Variants in SEPTIN9 observed in about 807,000 individuals in gnomAD.
SEPTIN9 encodes septin-9.
In SEPTIN9, 13 loss-of-function variants were observed where a neutral mutation model predicts 56.6. The observed-to-expected ratio is 0.23, with a 90% confidence interval of 0.15 to 0.37. The LOEUF (loss-of-function observed/expected upper bound fraction) is 0.37, where lower values mean the gene tolerates loss of function less well. Among genes scored for constraint, SEPTIN9 ranks in the 10% least tolerant of loss-of-function variants. The probability of loss-of-function intolerance (pLI) is 1.00; values close to 1 mark genes in which losing one functional copy is unlikely to be tolerated. For synonymous variants in SEPTIN9, 332 were observed against 334.1 expected, an observed-to-expected ratio of 0.99 and a Z score of 0.07; for missense variants, 650 against 823.1, an observed-to-expected ratio of 0.79 and a Z score of 2.57.
chr17:77,471,486 C>CT (rs1199775037), intron 3 of SEPTIN9, among the ~76,000 whole-genome samples: 3 of 152,272 alleles, frequency 2.0e-5, no homozygotes, highest in African/African-American at 7.2e-5. Context: ...CAGATGATTT[C>CT]ATAAGTTGGG....
At chr17:77,471,902 G>C (rs1400683423) in intron 3 of SEPTIN9, among the ~76,000 whole-genome samples, 1 of 152,140 alleles carries the variant, frequency 6.6e-6, no homozygotes, top group African/African-American at 2.4e-5. Flanking sequence ...TCCCTCTGCA[G>C]TGGATCCACT....
intron 2 of SEPTIN9, among the ~76,000 whole-genome samples, chr17:77,364,607 G>C (rs1417734012): frequency 6.6e-6 from 1 of 152,202 alleles, no homozygotes; most frequent in East Asian, 1.9e-4. Context: ...AGGGGGGCAG[G>C]AAGAGACCAG....
Position 77,421,247 on chromosome 17 carries a change from C to T in SEPTIN9, c.721+18544C>T, listed in dbSNP as rs1442599526. Among the ~76,000 whole-genome samples the T allele has an allele frequency of 6.6e-6, 1 of 152,216 alleles. No homozygotes were observed. The highest frequency in any genetic ancestry group is 2.4e-5 in the African/African-American group (1 of 41,454). ...CCCAGTTAGAAGGTGTCCCCCTCTT[C>T]CTTCAGTCCCTCAGCTGCCCTGGAT... On this transcript the variant is annotated intron_variant, in intron 3 of 11. Transcript: ENST00000427177. This position sits in a 1 kb window ranked among gnomAD's most constrained non-coding sequence, Gnocchi z 4.6.
intron 3 of SEPTIN9, among the ~76,000 whole-genome samples, chr17:77,460,664 AT>A (rs1382104135): frequency 6.6e-6 from 1 of 152,062 alleles, no homozygotes; most frequent in East Asian, 1.9e-4. Context: ...TCCTGTGGTC[AT>A]TTCCTCTTGG....
In SEPTIN9 at chr17:77,482,334, C is replaced by T. The variant is rs187657144; in HGVS notation, c.912C>T (p.Val304=). 303 of 1,611,680 alleles carry T rather than the reference C, an allele frequency of 1.9e-4. 1 individual carries two copies. The highest frequency in any genetic ancestry group is 4.5e-5 in the Non-Finnish European group (53 of 1,179,800). Residue 304 remains valine (V), a splice_region_variant and synonymous_variant, in exon 4 of 12, where the codon GTC becomes GTT. Transcript: ENST00000427177. The part of the protein sequence containing the change: ...KQGFEFNIMV[V]GQSGLGKSTL... ...GCTTCGAGTTCAACATCATGGTGGT[C>T]GGTGAGTCCTCACCTTGCATGCCAC...
intron 3 of SEPTIN9, among the ~76,000 whole-genome samples, chr17:77,430,279 T>C (rs2037077661): frequency 6.6e-6 from 1 of 152,168 alleles, no homozygotes; most frequent in African/African-American, 2.4e-5. Context: ...TGAAAGTCCT[T>C]GGAGAGGACT....
chr17:77,291,373 C>CAT (rs2031545271), intron 1 of SEPTIN9, among the ~76,000 whole-genome samples: 1 of 149,984 alleles, frequency 6.7e-6, no homozygotes, highest in Non-Finnish European at 1.5e-5. Flanking sequence ...AGCAGCCGGG[C>CAT]GCGGTGGCTC....
At chr17:77,410,379 G>A (rs2036249169) in intron 3 of SEPTIN9, among the ~76,000 whole-genome samples, 1 of 152,184 alleles carries the variant, frequency 6.6e-6, no homozygotes, top group South Asian at 2.1e-4. Flanking sequence ...GCACACCTGG[G>A]TCAAGCTCGA....
chr17:77,482,440 G>T (rs1465866203), intron 4 of SEPTIN9, 105 bp downstream of exon 4: 2 of 1,156,094 alleles, frequency 1.7e-6, no homozygotes, highest in South Asian at 1.3e-5. Context: ...TGTAAAATGG[G>T]GCAGCAACCC....
rs149819096 is a variant in SEPTIN9 at position 77,376,082 on chromosome 17, A to G, written c.77-25977A>G. On this transcript the variant is annotated intron_variant, in intron 2 of 11. Coordinates refer to ENST00000427177, the MANE Select transcript of SEPTIN9 (RefSeq NM_001113491.2). ...AGTCACCACTAGCTAGCAGGGGAGA[A>G]GTCAGTATGGAGGAGGCGGACCTTG... The G allele has an allele frequency of 6.1e-4, 602 of 986,206 alleles. 3 individuals are homozygous for G. The African/African-American group carries it at 9.2e-3, about 15-fold the overall frequency. The allele number at this position is 986,206 out of a possible 1,614,324, so 61.1% of individuals were successfully genotyped here.
chr17:77,484,601 G>GTGA (rs1555678564), intron 4 of SEPTIN9, among the ~76,000 whole-genome samples: 2 of 34,064 alleles, frequency 5.9e-5, no homozygotes, highest in African/African-American at 6.5e-4. Flanking sequence ...AATTGTGATG[G>GTGA]TGGTGGTGAT....
intron 2 of SEPTIN9, among the ~76,000 whole-genome samples, chr17:77,383,475 TC>T (rs5822193): frequency 0.26 from 39,425 of 151,666 alleles, 5,520 homozygotes; most frequent in East Asian, 0.49. Flanking sequence ...CATCCATCAC[TC>T]CCCCACTGTG....
intron 11 of SEPTIN9, 23 bp downstream of exon 11, chr17:77,497,389 G>A (rs1203908719): frequency 6.2e-7 from 1 of 1,610,984 alleles, no homozygotes; most frequent in Non-Finnish European, 8.5e-7. Flanking sequence ...GTGCTTGGGT[G>A]GGGCTGACGG....
chr17:77,420,081 C>A (rs1331377161), intron 3 of SEPTIN9, among the ~76,000 whole-genome samples: 1 of 152,120 alleles, frequency 6.6e-6, no homozygotes, highest in Non-Finnish European at 1.5e-5. Context: ...TGGAAGAGGT[C>A]ACAGCCCTGC....
intron 1 of SEPTIN9, among the ~76,000 whole-genome samples, chr17:77,291,849 C>T (rs994116696): frequency 8.5e-5 from 13 of 152,300 alleles, no homozygotes; most frequent in African/African-American, 1.7e-4. Context: ...GAAAAGATTG[C>T]GCATGATGAG....
intron 2 of SEPTIN9, among the ~76,000 whole-genome samples, chr17:77,316,491 C>T (rs1327293639): frequency 6.6e-6 from 1 of 152,216 alleles, no homozygotes; most frequent in Non-Finnish European, 1.5e-5. Context: ...TGCTCCAGCC[C>T]TGGCCGTCAA....
At chr17:77,325,482 T>A (rs2033098985) in intron 2 of SEPTIN9, among the ~76,000 whole-genome samples, 1 of 152,162 alleles carries the variant, frequency 6.6e-6, no homozygotes. Flanking sequence ...GAGTCTCAGC[T>A]CCTGCCCAGG....
rs1234395263 is a variant in SEPTIN9 at position 77,435,781 on chromosome 17, G to A, written c.721+33078G>A. 1.3e-5 allele frequency among the ~76,000 whole-genome samples: 2 copies of A among 152,218 alleles called. No individual in the cohort carries two copies. Among genetic ancestry groups the A allele is most frequent in the Admixed American group, 6.5e-5 (1 of 15,286 alleles). On this transcript the variant is annotated intron_variant, in intron 3 of 11. Transcript: ENST00000427177. The surrounding 1 kb of genome is among the most constrained non-coding windows in gnomAD (Gnocchi z 4.5). ...GCCACCTGAGGGAGGTCAGCATGTC[G>A]CCTTCATCCCAGGACAGTGTGAATG...
rs34043456 is a variant in SEPTIN9 at position 77,353,441 on chromosome 17, G to A, written c.76+46244G>A. ...GTTTTTCTCACAATGTTCACTTGAGGACGGTGGAACAGGCTATTTCACAAG... is the reference window on the plus strand; with the variant it reads ...GTTTTTCTCACAATGTTCACTTGAGAACGGTGGAACAGGCTATTTCACAAG... On this transcript the variant is annotated intron_variant, in intron 2 of 11. Coordinates refer to ENST00000427177, the MANE Select transcript of SEPTIN9 (RefSeq NM_001113491.2). Among the ~76,000 whole-genome samples, 788 of 152,268 alleles carry A rather than the reference G, an allele frequency of 5.2e-3. 6 individuals are homozygous for A. Among genetic ancestry groups the A allele is most frequent in the Non-Finnish European group, 8.9e-3 (606 of 68,024 alleles).
Sources: allele counts gnomAD v4.1 joint callset (sites outside exome capture counted in the v4.1 genomes callset), GRCh38; gene constraint gnomAD v4.1.1; non-coding constraint Gnocchi (gnomAD v3.1); transcripts MANE v1.5; gene names NCBI Gene and HGNC (gene_info 2026-07-23, HGNC 2026-07-21).